The following DENND2B variants were observed in gnomAD, a reference collection of about 807,000 sequenced individuals.
DENND2B encodes the protein DENN domain-containing protein 2B.
A neutral mutation model predicts 116.0 loss-of-function variants in DENND2B; 32 were observed. The observed-to-expected ratio is 0.28, with a 90% CI of 0.21 to 0.37. The LOEUF is 0.37. DENND2B is among the 10% of genes least tolerant of loss of function. DENND2B has a pLI of 1.00. For synonymous variants in DENND2B, 588 were observed against 583.9 expected (o/e 1.01, Z -0.10); for missense variants, 1,276 against 1,477.7 (o/e 0.86, Z 2.24).
intron 2 of DENND2B, among the ~76,000 whole-genome samples, chr11:8,860,396 A>C (rs377390028): frequency 1.1e-3 from 172 of 152,290 alleles, no homozygotes; most frequent in African/African-American, 3.8e-3. Context: ...GCTATATACC[A>C]ACAACCACCA....
chr11:8,787,599 C>G (rs4929939), intron 1 of DENND2B, among the ~76,000 whole-genome samples: 146,010 of 152,316 alleles, frequency 0.96, 70,293 homozygotes, highest in East Asian at 1. Flanking sequence ...GCAAGTGTGT[C>G]GGTCAGTCAC....
intron 13 of DENND2B, among the ~76,000 whole-genome samples, chr11:8,703,850 C>T (rs1565644723): frequency 6.6e-6 from 1 of 152,174 alleles, no homozygotes; most frequent in Non-Finnish European, 1.5e-5. Flanking sequence ...TCCCAGAAGG[C>T]CCAGTGATCC....
intron 2 of DENND2B, among the ~76,000 whole-genome samples, chr11:8,743,430 A>G (rs1480424381): frequency 2.6e-5 from 4 of 152,058 alleles, no homozygotes; most frequent in Non-Finnish European, 5.9e-5. Context: ...TATGCCTGTA[A>G]TCCCAGCTAC....
At chr11:8,873,502 A>G (rs1308332556), upstream of DENND2B, among the ~76,000 whole-genome samples, 1 of 152,246 alleles carries the variant, frequency 6.6e-6, no homozygotes, top group African/African-American at 2.4e-5. Context: ...AACTTCATAT[A>G]TGTGACTATT....
At chr11:8,829,837 C>CT (rs1044430111) in intron 4 of DENND2B, among the ~76,000 whole-genome samples, 3 of 152,190 alleles carry the variant, frequency 2.0e-5, no homozygotes, top group Non-Finnish European at 2.9e-5. Context: ...TAGATGAACT[C>CT]TAAGAGCCCA....
At chr11:8,743,566 T>G (rs1050648430) in intron 2 of DENND2B, among the ~76,000 whole-genome samples, 1 of 151,894 alleles carries the variant, frequency 6.6e-6, no homozygotes, top group Non-Finnish European at 1.5e-5. Flanking sequence ...AAAAATTTTT[T>G]TTTTAAATTA....
chr11:8,811,080 A>C, upstream of DENND2B: 1 of 388,850 alleles, frequency 2.6e-6, no homozygotes. Context: ...GAGCTAGCTG[A>C]AGCGCTTGAA....
At chr11:8,721,811 G>A (rs1267487961) in intron 4 of DENND2B, among the ~76,000 whole-genome samples, 1 of 152,246 alleles carries the variant, frequency 6.6e-6, no homozygotes, top group Non-Finnish European at 1.5e-5. Context: ...CAGAGAGAGT[G>A]GAGGCTCAAA....
At chr11:8,695,695 GA>G in intron 18 of DENND2B, 146 bp from the exon 19 acceptor site, 1 of 703,610 alleles carries the variant, frequency 1.4e-6, no homozygotes, top group East Asian at 2.7e-5. Flanking sequence ...CATCTTACTA[GA>G]ATTCGGGCTG....
At chr11:8,775,674 T>G (rs1043738183) in intron 1 of DENND2B, among the ~76,000 whole-genome samples, 1 of 152,132 alleles carries the variant, frequency 6.6e-6, no homozygotes, top group African/African-American at 2.4e-5. Flanking sequence ...GAGGAAGACG[T>G]CCTTGGAGCC....
chr11:8,815,090 G>A (rs1328719892), upstream of DENND2B, among the ~76,000 whole-genome samples: 1 of 151,916 alleles, frequency 6.6e-6, no homozygotes, highest in African/African-American at 2.4e-5. Context: ...CACCACCACC[G>A]GGTCATTGCC....
At chr11:8,884,829 C>G (rs1043828882) in intron 1 of DENND2B, among the ~76,000 whole-genome samples, 2 of 152,140 alleles carry the variant, frequency 1.3e-5, no homozygotes. Flanking sequence ...AAACAGGGAG[C>G]CATTCATCTC....
chr11:8,714,635 G>A lies in DENND2B; in HGVS notation c.1917C>T (p.Ser639=). The A allele has an allele frequency of 6.2e-7, 1 of 1,614,072 alleles. No homozygotes were observed. The highest frequency in any genetic ancestry group is 1.3e-5 in the African/African-American group (1 of 75,030). The change falls in exon 7 of 20, where the codon TCC becomes TCT. Residue 639 remains serine, a synonymous_variant. Coordinates refer to ENST00000313726, the MANE Select transcript of DENND2B (RefSeq NM_213618.2). ...CTCTCAGTGATGCTGTTTCAATGCT[G>A]GACATAGACAACTTTTTTAATCTCT... The part of the protein sequence containing the change: ...GKKRLKKLSM[S]SIETASLRDE...
At chr11:8,694,165 T>G (rs1243287557) in intron 19 of DENND2B, 35 bp from the exon 20 acceptor site, 1 of 1,613,714 alleles carries the variant, frequency 6.2e-7, no homozygotes. Flanking sequence ...GAATGTTCAG[T>G]GTTATCCCTT....
rs139942657 is a variant in DENND2B, at chr11:8,696,533, T to C, written c.3186A>G (p.Lys1062=). The change falls in exon 18 of 20, where the codon AAA becomes AAG. Residue 1062 remains lysine (K), a synonymous_variant. Coordinates refer to ENST00000313726, the MANE Select transcript of DENND2B (RefSeq NM_213618.2). Reference sequence around the variant, plus strand: ...GGCGGATGCTTTTGGAGGCCACAGATTTGCGGAAGGCCTCTCGCTGAAAGG... The same window carrying C: ...GGCGGATGCTTTTGGAGGCCACAGACTTGCGGAAGGCCTCTCGCTGAAAGG... The part of the protein sequence containing the change: ...ERAFQREAFR[K]SVASKSIRRF... 2.6e-4 allele frequency: 421 copies of C among 1,614,170 alleles called. No homozygotes were observed. In the African/African-American group the frequency reaches 4.9e-3, roughly 19 times the overall value.
intron 1 of DENND2B, among the ~76,000 whole-genome samples, chr11:8,804,371 GGGA>G (rs891318963): frequency 1.0e-4 from 7 of 68,406 alleles, no homozygotes; most frequent in Admixed American, 1.8e-4. Context: ...ATAAGACATG[GGGA>G]GCTGTCTGTC....
chr11:8,857,843 G>A (rs551634642), intron 2 of DENND2B, among the ~76,000 whole-genome samples: 27 of 152,324 alleles, frequency 1.8e-4, no homozygotes, highest in African/African-American at 6.5e-4. Context: ...TAAACAGAAA[G>A]ATTGGACTAG....
chr11:8,816,528 G>C (rs75178603), intron 4 of DENND2B, among the ~76,000 whole-genome samples: 13,054 of 150,526 alleles, frequency 0.087, 710 homozygotes, highest in East Asian at 0.19. Context: ...TACAGCCTGG[G>C]TGACAGAGCA....
At chr11:8,879,615 T>G (rs1255381066) in intron 2 of DENND2B, among the ~76,000 whole-genome samples, 1 of 152,168 alleles carries the variant, frequency 6.6e-6, no homozygotes, top group African/African-American at 2.4e-5. Flanking sequence ...CAAAGAGAAC[T>G]GTAGTCATCT....
Sources: allele counts gnomAD v4.1 joint callset (sites outside exome capture counted in the v4.1 genomes callset), GRCh38; gene constraint gnomAD v4.1.1; transcripts MANE v1.5; gene names NCBI Gene and HGNC (gene_info 2026-07-23, HGNC 2026-07-21).